Variants in CDC23 observed in about 807,000 individuals in gnomAD.
The protein encoded by CDC23 is cell division cycle 23.
A neutral mutation model predicts 81.7 loss-of-function variants in CDC23; 26 were observed. The ratio of observed to expected loss-of-function variants is 0.32; its 90% CI spans 0.23 to 0.44. The LOEUF (loss-of-function observed/expected upper bound fraction) is 0.44. Among genes scored for constraint, CDC23 ranks in the 20% least tolerant of loss-of-function variants. The pLI is 1.00. For synonymous variants in CDC23, 267 were observed against 270.8 expected, an observed-to-expected ratio of 0.99 and a Z score of 0.14; for missense variants, 519 against 728.0, an observed-to-expected ratio of 0.71 and a Z score of 3.30.
intron 9 of CDC23, among the ~76,000 whole-genome samples, chr5:138,197,300 T>C (rs1400497352): frequency 3.2e-5 from 3 of 93,638 alleles, no homozygotes; most frequent in East Asian, 6.1e-4. Context: ...CGAGACTCTG[T>C]CACCAAAAAA....
chr5:138,191,675 A>G (rs1354607662), intron 12 of CDC23, 140 bp from the exon 13 acceptor site: 1 of 954,680 alleles, frequency 1.0e-6, no homozygotes, highest in East Asian at 2.4e-5. Flanking sequence ...TGATAGGTCT[A>G]GGCTACACAC....
chr5:138,192,175 C>T lies in CDC23; in HGVS notation c.1286+94G>A, dbSNP rs1009948832. ...AACCTCAGATCCCCAAGAGCCAAAA[C>T]CATCCACTGTGATTTGTCAATAGCT... On this transcript the variant is annotated intron_variant, in intron 11 of 15. Coordinates refer to ENST00000394886, the MANE Select transcript of CDC23 (RefSeq NM_004661.4). 7 of 1,501,200 alleles carry T rather than the reference C, an allele frequency of 4.7e-6. No individual in the cohort carries two copies. The African/African-American group carries it at 9.8e-5, about 21-fold the overall frequency. 93.0% of individuals were successfully genotyped at this position (1,501,200 alleles called of 1,614,324 possible). A position where few individuals can be genotyped will look rare whatever the true frequency, so the allele number is the denominator to read the frequency against.
At chr5:138,209,772 C>A (rs114845505) in intron 2 of CDC23, among the ~76,000 whole-genome samples, 8 of 149,812 alleles carry the variant, frequency 5.3e-5, no homozygotes, top group Admixed American at 2.0e-4. Context: ...TGCAGTGAGC[C>A]GATATTGGGC....
intron 13 of CDC23, among the ~76,000 whole-genome samples, chr5:138,190,955 T>TGAGTTATTCCTAATTTTTCTG (rs1336683526): frequency 3.3e-5 from 5 of 152,186 alleles, no homozygotes; most frequent in Admixed American, 3.3e-4. Flanking sequence ...AGAACCTCTT[T>TGAGTTATTCCTAATTTTTCTG]GCCTACTATT....
intron 2 of CDC23, among the ~76,000 whole-genome samples, chr5:138,208,373 A>G (rs986121269): frequency 2.0e-5 from 3 of 152,238 alleles, no homozygotes; most frequent in African/African-American, 7.2e-5. Context: ...TGCTTTCTTC[A>G]TTAGATCAAC....
chr5:138,206,726 C>A lies in CDC23; in HGVS notation c.235-42G>T, dbSNP rs559056386. On this transcript the variant is annotated intron_variant, in intron 2 of 15. Transcript: ENST00000394886. ...CTTATGTAAGTGGTTGGGAATAGGA[C>A]AACAAAACTTCAAATCTAAAAAGTA... 8 of 1,548,354 alleles carry A rather than the reference C, an allele frequency of 5.2e-6. No individual in the cohort carries two copies. In the East Asian group the frequency reaches 1.4e-4, roughly 26 times the overall value.
At chr5:138,195,587 T>G (rs1561633961) in intron 9 of CDC23, among the ~76,000 whole-genome samples, 6 of 80,280 alleles carry the variant, frequency 7.5e-5, no homozygotes, top group Non-Finnish European at 1.5e-4. Context: ...ATATATTATA[T>G]ATAATATATA....
chr5:138,191,428 G>C (rs1754825600), intron 13 of CDC23, 46 bp downstream of exon 13: 4 of 1,554,556 alleles, frequency 2.6e-6, no homozygotes, highest in Non-Finnish European at 3.6e-6. Flanking sequence ...CACCATCCCA[G>C]AGAAGCCAAC....
Position 138,213,279 on chromosome 5 carries a change from C to T in CDC23, c.34G>A (p.Val12Met), listed in dbSNP as rs1386449359. 1.9e-6 allele frequency: 3 copies of T among 1,613,964 alleles called. No individual in the cohort carries two copies. The South Asian group carries it at 3.3e-5, about 18-fold the overall frequency. Residue 12 changes from valine to methionine, a missense_variant, in exon 1 of 16, where the codon GTG (valine) becomes ATG (methionine). Transcript: ENST00000394886. ...AGGACAGGCGCCACTGCCGCCGTCA[C>T]AGCCACCGGGACCATGGAGGTACTC... ...AASTSMVPVA[V>M]TAAVAPVLSI... is the part of the protein sequence containing the mutation.
Position 138,213,073 on chromosome 5 carries a change from CCACA to C in CDC23, c.162-14_162-11del. On this transcript the variant is annotated splice_polypyrimidine_tract_variant and intron_variant, in intron 1 of 15. Transcript: ENST00000394886. Reference sequence around the variant, plus strand: ...AGCCAACTCCGCCGACCTGGAACACCCACACAAACTAGATCAGCTCGACAAGCCC... The same window carrying C: ...AGCCAACTCCGCCGACCTGGAACACCCAAACTAGATCAGCTCGACAAGCCC... 6.2e-7 allele frequency: 1 copy of C among 1,614,068 alleles called. No homozygotes were observed.
Position 138,213,298 on chromosome 5 carries a change from G to C in CDC23, c.15C>G (p.Thr5=), listed in dbSNP as rs769046230. 6.2e-7 allele frequency: 1 copy of C among 1,613,704 alleles called. No homozygotes were observed. The highest frequency in any genetic ancestry group is 8.5e-7 in the Non-Finnish European group (1 of 1,179,810). MAAS[T]SMVPVAVTAA... Reference sequence around the variant, plus strand: ...CCGTCACAGCCACCGGGACCATGGAGGTACTCGCAGCCATTTTCCCGACTC... The same window carrying C: ...CCGTCACAGCCACCGGGACCATGGACGTACTCGCAGCCATTTTCCCGACTC... The change falls in exon 1 of 16, where the codon ACC becomes ACG. Residue 5 remains threonine (T), a synonymous_variant. Coordinates refer to ENST00000394886, the MANE Select transcript of CDC23 (RefSeq NM_004661.4).
At chr5:138,199,418 G>A (rs1449962670) in intron 6 of CDC23, among the ~76,000 whole-genome samples, 1 of 152,030 alleles carries the variant, frequency 6.6e-6, no homozygotes, top group Non-Finnish European at 1.5e-5. Flanking sequence ...ACAAGAGAGT[G>A]AAACCTCATC....
At chr5:138,195,884 G>C (rs1006144941) in intron 9 of CDC23, among the ~76,000 whole-genome samples, 4 of 144,736 alleles carry the variant, frequency 2.8e-5, no homozygotes, top group Admixed American at 1.5e-4. Context: ...GACTGTGACT[G>C]ACAGGTACAG....
chr5:138,194,275 C>A (rs778059087), intron 9 of CDC23, among the ~76,000 whole-genome samples: 3 of 151,994 alleles, frequency 2.0e-5, no homozygotes, highest in Non-Finnish European at 4.4e-5. Flanking sequence ...CATAGTGAGA[C>A]CCTGTCTCTA....
intron 6 of CDC23, among the ~76,000 whole-genome samples, chr5:138,200,645 C>T (rs1754977287): frequency 6.6e-6 from 1 of 151,978 alleles, no homozygotes; most frequent in Non-Finnish European, 1.5e-5. Flanking sequence ...CATGGTGAAA[C>T]CCCATCTCTA....
At chr5:138,200,662 A>C (rs932167949) in intron 6 of CDC23, among the ~76,000 whole-genome samples, 7 of 152,078 alleles carry the variant, frequency 4.6e-5, no homozygotes, top group Admixed American at 4.6e-4. Flanking sequence ...TCTACTAAAA[A>C]TACAAAAATT....
chr5:138,201,799 C>A (rs532973078), intron 4 of CDC23, among the ~76,000 whole-genome samples: 2 of 152,300 alleles, frequency 1.3e-5, no homozygotes, highest in African/African-American at 4.8e-5. Context: ...TTCTGTTAGA[C>A]CCACACAGTT....
rs1476641194 is a variant in CDC23 at position 138,213,189 on chromosome 5, G to A, written c.124C>T (p.Leu42Phe). 6.2e-7 allele frequency: 1 copy of A among 1,614,168 alleles called. No individual in the cohort carries two copies. Among genetic ancestry groups the A allele is most frequent in the Admixed American group, 1.7e-5 (1 of 60,016 alleles). ...IKKQLLLIAG[L>F]TRERGLLHSS... ...TGTAGTAGGCCCCGCTCCCGGGTAA[G>A]GCCCGCAATAAGCAGCAGTTGCTTT... Residue 42 changes from leucine to phenylalanine, a missense_variant, in exon 1 of 16, where the codon CTT becomes TTT. Physicochemically the swap from Leu to Phe is conservative, Grantham distance 22. Coordinates refer to ENST00000394886, the MANE Select transcript of CDC23 (RefSeq NM_004661.4).
intron 2 of CDC23, 30 bp downstream of exon 2, chr5:138,212,961 G>C: frequency 6.3e-7 from 1 of 1,594,996 alleles, no homozygotes; most frequent in South Asian, 1.1e-5. Context: ...CTGGGTTGAT[G>C]GGGAGCGCTC....
Sources: gnomAD v4.1 joint callset for allele counts (sites outside exome capture counted in the v4.1 genomes callset) on GRCh38, gnomAD v4.1.1 for gene constraint, MANE v1.5 for transcripts, NCBI Gene and HGNC (gene_info 2026-07-23, HGNC 2026-07-21) for gene names.